Variants in PCDHA7 observed in about 807,000 individuals in gnomAD.
The protein encoded by PCDHA7 is protocadherin alpha-7.
PCDHA7 carries 37 observed loss-of-function variants against 57.2 expected under a neutral mutation model. The observed-to-expected ratio is 0.65, with a 90% CI of 0.50 to 0.85. The LOEUF (loss-of-function observed/expected upper bound fraction) is 0.85, where lower values mean the gene tolerates loss of function less well. Ranked by LOEUF, PCDHA7 falls within the 40% of genes least tolerant of loss-of-function variation. PCDHA7 has a pLI of 0.00. For synonymous variants in PCDHA7, 553 were observed against 558.8 expected, an observed-to-expected ratio of 0.99 and a Z score of 0.15; for missense variants, 1,188 against 1,241.8, an observed-to-expected ratio of 0.96 and a Z score of 0.65.
At chr5:140,854,274 T>A in intron 1 of PCDHA7, 1 of 562,280 alleles carries the variant, frequency 1.8e-6, no homozygotes, top group Non-Finnish European at 2.3e-6. Context: ...TAGTAGAAAT[T>A]GAGTTTAGTT....
chr5:140,948,645 C>T (rs1468901970), intron 1 of PCDHA7, among the ~76,000 whole-genome samples: 1 of 151,562 alleles, frequency 6.6e-6, no homozygotes. Flanking sequence ...CATCTTTTAA[C>T]GTCTGTATAA....
chr5:140,938,025 C>A (rs1431326044), intron 1 of PCDHA7, among the ~76,000 whole-genome samples: 5 of 151,978 alleles, frequency 3.3e-5, no homozygotes, highest in Non-Finnish European at 7.4e-5. Context: ...AGTAAAATCT[C>A]ATATTTTTAT....
rs2150222976 is a variant in PCDHA7, at chr5:140,834,629, C to A, written c.246C>A (p.Gly82=). Residue 82 remains glycine, a synonymous_variant, in exon 1 of 4, where the codon GGC becomes GGA. Coordinates refer to ENST00000525929, the MANE Select transcript of PCDHA7 (RefSeq NM_018910.3). ...TTCTGGAGGTAAATCTGCAGAATGG[C>A]ATTTTGTTTGTGAATTCTCGGATCG... is the stretch of plus-strand genomic sequence containing the variant. The part of the protein sequence containing the change: ...GDLLEVNLQN[G]ILFVNSRIDR... The A allele has an allele frequency of 1.9e-6, 3 of 1,614,154 alleles. No individual in the cohort carries two copies. Among genetic ancestry groups the A allele is most frequent in the Non-Finnish European group, 2.5e-6 (3 of 1,180,024 alleles).
At chr5:140,876,056 T>G in intron 1 of PCDHA7, 1 of 1,613,918 alleles carries the variant, frequency 6.2e-7, no homozygotes, top group Non-Finnish European at 8.5e-7. Flanking sequence ...CCTGAATTAG[T>G]TCTTCGGAAG....
At chr5:140,875,894 C>T in intron 1 of PCDHA7, 1 of 1,614,170 alleles carries the variant, frequency 6.2e-7, no homozygotes, top group Non-Finnish European at 8.5e-7. Context: ...CAAAAGGTAC[C>T]TGTTTCTGAA....
chr5:140,969,351 G>A (rs1554231714), intron 1 of PCDHA7: 1 of 1,612,990 alleles, frequency 6.2e-7, no homozygotes, highest in Non-Finnish European at 8.5e-7. Flanking sequence ...TGGTCAGGGG[G>A]TCTTCTACAA....
intron 1 of PCDHA7, chr5:140,843,009 C>A: frequency 6.3e-7 from 1 of 1,595,058 alleles, no homozygotes; most frequent in Non-Finnish European, 8.6e-7. Flanking sequence ...GACAACGCGC[C>A]GGCACTGCTG....
At chr5:140,883,667 A>G in intron 1 of PCDHA7, 1 of 1,613,568 alleles carries the variant, frequency 6.2e-7, no homozygotes. Context: ...CGTGAAGGAA[A>G]ACAATCCGCC....
chr5:140,892,250 T>G (rs781827855), intron 1 of PCDHA7, among the ~76,000 whole-genome samples: 2 of 152,182 alleles, frequency 1.3e-5, no homozygotes, highest in Non-Finnish European at 2.9e-5. Flanking sequence ...AACCTGGTTA[T>G]CTTTGATTTT....
chr5:140,856,008 G>A, intron 1 of PCDHA7: 1 of 1,542,308 alleles, frequency 6.5e-7, no homozygotes, highest in Middle Eastern at 1.7e-4. Flanking sequence ...GTGCGTTCTA[G>A]ACCGCTGATT....
At chr5:140,942,913 G>T (rs1467978300) in intron 1 of PCDHA7, among the ~76,000 whole-genome samples, 1 of 148,868 alleles carries the variant, frequency 6.7e-6, no homozygotes, top group South Asian at 2.1e-4. Flanking sequence ...TAAGCGTGAA[G>T]AAAAAAAAAA....
intron 1 of PCDHA7, chr5:140,860,872 G>C (rs923006368): frequency 1.3e-5 from 2 of 152,288 alleles, no homozygotes; most frequent in African/African-American, 4.8e-5. Context: ...GGAGTAGCTG[G>C]GACTACAGGT....
chr5:140,948,464 G>A (rs1357759863), intron 1 of PCDHA7, among the ~76,000 whole-genome samples: 1 of 151,508 alleles, frequency 6.6e-6, no homozygotes, highest in Non-Finnish European at 1.5e-5. Flanking sequence ...TTTAGGGAAA[G>A]TTTCTGATAA....
intron 1 of PCDHA7, among the ~76,000 whole-genome samples, chr5:140,964,650 TG>T (rs1554227136): frequency 6.6e-6 from 1 of 151,800 alleles, no homozygotes; most frequent in Non-Finnish European, 1.5e-5. Flanking sequence ...AAACAAGTAA[TG>T]GGTGAGGACA....
intron 1 of PCDHA7, chr5:140,870,801 G>A: frequency 6.2e-7 from 1 of 1,613,670 alleles, no homozygotes; most frequent in Non-Finnish European, 8.5e-7. Context: ...CACTGCTGGC[G>A]ACTCAGGCTG....
Position 140,974,863 on chromosome 5 carries a change from G to A in PCDHA7, c.2356-4086G>A, listed in dbSNP as rs559374442. On this transcript the variant is annotated intron_variant, in intron 1 of 3. Coordinates refer to ENST00000525929, the MANE Select transcript of PCDHA7 (RefSeq NM_018910.3). ...ATGTTATATTCCCTTTTGCCTTAAT[G>A]CGGAACAGTCTATGTATCCCTTTTC... Among the ~76,000 whole-genome samples, 14 of 152,198 alleles carry A rather than the reference G, an allele frequency of 9.2e-5. No homozygotes were observed. The South Asian group carries it at 2.9e-3, about 32-fold the overall frequency.
At position 140,992,156 on chromosome 5, in the gene PCDHA7, A is replaced by G. The variant is rs79603129; in HGVS notation, c.2503+9593A>G. On this transcript the variant is annotated intron_variant, in intron 3 of 3. Coordinates refer to ENST00000525929, the MANE Select transcript of PCDHA7 (RefSeq NM_018910.3). ...TGATGATGCTAACTTTGCTCAATCA[A>G]GAAGTGTGATCCATTTAAATCATGC... Among the ~76,000 whole-genome samples the G allele has an allele frequency of 2.1e-3, 313 of 152,232 alleles. 2 individuals carry two copies. The highest frequency in any genetic ancestry group is 3.8e-3 in the Non-Finnish European group (258 of 67,998).
intron 3 of PCDHA7, among the ~76,000 whole-genome samples, chr5:140,983,123 G>A (rs781811003): frequency 2.0e-5 from 3 of 152,198 alleles, no homozygotes; most frequent in Non-Finnish European, 4.4e-5. Flanking sequence ...ACAACATTCT[G>A]CAGACTGACT....
chr5:140,899,171 A>G (rs1302003338), intron 1 of PCDHA7, among the ~76,000 whole-genome samples: 1 of 152,058 alleles, frequency 6.6e-6, no homozygotes, highest in Non-Finnish European at 1.5e-5. Context: ...TCCTAATTGA[A>G]TACCCTTTAT....
Sources: allele counts gnomAD v4.1 joint callset (sites outside exome capture counted in the v4.1 genomes callset), GRCh38; gene constraint gnomAD v4.1.1; transcripts MANE v1.5; gene names NCBI Gene and HGNC (gene_info 2026-07-23, HGNC 2026-07-21).